Variants in LHPP observed in about 807,000 individuals in gnomAD.
LHPP encodes phospholysine phosphohistidine inorganic pyrophosphate phosphatase.
A neutral mutation model predicts 30.3 loss-of-function variants in LHPP; 24 were observed. The observed-to-expected ratio is 0.79, with a 90% CI of 0.57 to 1.11. LHPP has a LOEUF of 1.11. Ranked by LOEUF, LHPP falls within the 50% of genes most tolerant of loss-of-function variation. LHPP has a pLI of 0.00. For missense variants in LHPP, 356 were observed against 367.2 expected (o/e 0.97, Z 0.25); for synonymous variants, 150 against 157.1 (o/e 0.95, Z 0.34).
chr10:124,530,572 A>G (rs1741317841), intron 6 of LHPP, among the ~76,000 whole-genome samples: 1 of 147,168 alleles, frequency 6.8e-6, no homozygotes, highest in South Asian at 2.2e-4. Flanking sequence ...TCACGCCCAG[A>G]CCCCCCCACG....
At chr10:124,600,519 T>C (rs1052490193) in intron 6 of LHPP, among the ~76,000 whole-genome samples, 1 of 152,226 alleles carries the variant, frequency 6.6e-6, no homozygotes, top group African/African-American at 2.4e-5. Context: ...TCCAGGGCAG[T>C]TGGTCTCCAG....
At chr10:124,554,062 C>T (rs902934873) in intron 6 of LHPP, 32 of 985,436 alleles carry the variant, frequency 3.2e-5, no homozygotes, top group African/African-American at 2.6e-4. Context: ...CCTGTAGTTG[C>T]GGGGCGGTGG....
intron 6 of LHPP, among the ~76,000 whole-genome samples, chr10:124,573,731 G>A (rs1217696630): frequency 6.6e-6 from 1 of 152,198 alleles, no homozygotes; most frequent in East Asian, 1.9e-4. Context: ...TCATCCCATA[G>A]GGGACAGGGC....
chr10:124,584,944 A>G (rs1189541058), intron 6 of LHPP, among the ~76,000 whole-genome samples: 3 of 152,208 alleles, frequency 2.0e-5, no homozygotes, highest in Non-Finnish European at 4.4e-5. Flanking sequence ...ACCTTGTTTC[A>G]TGCACAAAAT....
chr10:124,528,421 C>T (rs959118374), intron 6 of LHPP, among the ~76,000 whole-genome samples: 5 of 151,622 alleles, frequency 3.3e-5, no homozygotes, highest in East Asian at 1.9e-4. Context: ...TGCAATGGTG[C>T]GATCTTGGCT....
chr10:124,486,693 T>C (rs1953337368), intron 2 of LHPP, among the ~76,000 whole-genome samples: 1 of 152,232 alleles, frequency 6.6e-6, no homozygotes, highest in South Asian at 2.1e-4. Context: ...TTAGCACCTG[T>C]GTGACTGACT....
intron 6 of LHPP, among the ~76,000 whole-genome samples, chr10:124,528,997 C>T (rs1954814763): frequency 6.6e-6 from 1 of 150,720 alleles, no homozygotes; most frequent in African/African-American, 2.4e-5. Context: ...ACAATCGCCC[C>T]TGCCCTGGGT....
At chr10:124,609,522 GCGTGAGCTAC>G (rs1398387254) in intron 6 of LHPP, among the ~76,000 whole-genome samples, 1 of 152,228 alleles carries the variant, frequency 6.6e-6, no homozygotes, top group Non-Finnish European at 1.5e-5. Context: ...AGGATGACAG[GCGTGAGCTAC>G]CACGCCCGGC....
At position 124,541,107 on chromosome 10, in the gene LHPP, C is replaced by T. The variant is rs1359935821; in HGVS notation, c.716+23836C>T. On this transcript the variant is annotated intron_variant, in intron 6 of 6. Coordinates refer to ENST00000368842, the MANE Select transcript of LHPP (RefSeq NM_022126.4). The surrounding 1 kb of genome is among the most constrained non-coding windows in gnomAD (Gnocchi z 4.2). ...AAGTGGCCCTGGGCCCTGGGATGGC[C>T]GGAGGAGAGCCTGCCATACCCACGC... Among the ~76,000 whole-genome samples the T allele has an allele frequency of 2.6e-5, 4 of 152,124 alleles. No individual in the cohort carries two copies. Among genetic ancestry groups the T allele is most frequent in the East Asian group, 1.9e-4 (1 of 5,198 alleles).
chr10:124,519,888 A>G (rs1469939493), intron 6 of LHPP, among the ~76,000 whole-genome samples: 3 of 151,128 alleles, frequency 2.0e-5, no homozygotes, highest in African/African-American at 2.4e-5. Context: ...GCTGGAGTGC[A>G]GTGGCGCAGT....
At chr10:124,612,568 G>A (rs909876454) in intron 6 of LHPP, among the ~76,000 whole-genome samples, 7 of 152,284 alleles carry the variant, frequency 4.6e-5, no homozygotes, top group African/African-American at 1.7e-4. Flanking sequence ...GGCAGGGCCC[G>A]GAGGCCTCTG....
chr10:124,465,675 C>T (rs891007170), intron 1 of LHPP, among the ~76,000 whole-genome samples: 1 of 152,332 alleles, frequency 6.6e-6, no homozygotes, highest in South Asian at 2.1e-4. Flanking sequence ...CACTCTTGTG[C>T]CTCAGCCTCC....
intron 6 of LHPP, among the ~76,000 whole-genome samples, chr10:124,534,016 G>A (rs1022522355): frequency 1.4e-4 from 21 of 151,964 alleles, no homozygotes; most frequent in Middle Eastern, 3.4e-3. Flanking sequence ...AGGCTCTAAC[G>A]GCAGAGTTTG....
rs2133799561 is a variant in LHPP, at chr10:124,461,969, CGGT to C, written c.110_112del (p.Val37del). The C allele has an allele frequency of 8.2e-7, 1 of 1,219,692 alleles. No individual in the cohort carries two copies. The highest frequency in any genetic ancestry group is 3.3e-5 in the East Asian group (1 of 30,308). The allele number at this position is 1,219,692 out of a possible 1,614,324, so 75.6% of individuals were successfully genotyped here. A position where few individuals can be genotyped will look rare whatever the true frequency, so the allele number is the denominator to read the frequency against. ...GGCGGCGGCACGGCCATCGCCGGCT[CGGT>C]GGAGGCGGTGGCCAGGTGAGTGGGC... On this transcript the variant is annotated inframe_deletion, in exon 1 of 7. Coordinates refer to ENST00000368842, the MANE Select transcript of LHPP (RefSeq NM_022126.4).
chr10:124,494,397 A>G (rs1953637241), intron 3 of LHPP, among the ~76,000 whole-genome samples: 1 of 152,116 alleles, frequency 6.6e-6, no homozygotes, highest in Admixed American at 6.5e-5. Flanking sequence ...GTCGCAATGG[A>G]GTAGTTTTGT....
At chr10:124,547,962 G>A (rs1028585051) in intron 6 of LHPP, among the ~76,000 whole-genome samples, 4 of 152,232 alleles carry the variant, frequency 2.6e-5, no homozygotes, top group Non-Finnish European at 5.9e-5. Flanking sequence ...CTGGGCTCCC[G>A]CCCACCGCCT....
intron 6 of LHPP, among the ~76,000 whole-genome samples, chr10:124,598,745 C>A (rs888813346): frequency 5.9e-5 from 9 of 152,078 alleles, no homozygotes; most frequent in African/African-American, 2.2e-4. Context: ...CCCCATCCAT[C>A]CATCCCCCTG....
At chr10:124,586,998 G>T (rs1456625944) in intron 6 of LHPP, among the ~76,000 whole-genome samples, 1 of 150,822 alleles carries the variant, frequency 6.6e-6, no homozygotes, top group East Asian at 1.9e-4. Flanking sequence ...TGGTGTGGGG[G>T]AAGCCCTAAT....
At chr10:124,554,857 G>A (rs1433827514) in intron 6 of LHPP, among the ~76,000 whole-genome samples, 2 of 152,378 alleles carry the variant, frequency 1.3e-5, no homozygotes, top group East Asian at 1.9e-4. Context: ...GTTCTTTAAC[G>A]AAGGAATGAG....
Sources: gnomAD v4.1 joint callset for allele counts (sites outside exome capture counted in the v4.1 genomes callset) on GRCh38, gnomAD v4.1.1 for gene constraint, Gnocchi (gnomAD v3.1) non-coding constraint, MANE v1.5 for transcripts, NCBI Gene and HGNC (gene_info 2026-07-23, HGNC 2026-07-21) for gene names.